DGKH: variants seen among roughly 807,000 people sequenced by gnomAD.
DGKH encodes DAG kinase eta.
In DGKH, 90 loss-of-function variants were observed where a neutral mutation model predicts 159.3. That is an observed-to-expected ratio of 0.57 (90% CI 0.48 to 0.67). The LOEUF (loss-of-function observed/expected upper bound fraction) is 0.67, where lower values mean the gene tolerates loss of function less well. DGKH is among the 30% of genes least tolerant of loss of function. The probability of loss-of-function intolerance (pLI) is 0.00; values close to 1 mark genes in which losing one functional copy is unlikely to be tolerated. For missense variants in DGKH, 1,181 were observed against 1,506.1 expected (o/e 0.78, Z 3.57); for synonymous variants, 536 against 553.8 (o/e 0.97, Z 0.45).
At chr13:42,227,742 A>G (rs906492719) in intron 29 of DGKH, among the ~76,000 whole-genome samples, 3 of 152,238 alleles carry the variant, frequency 2.0e-5, no homozygotes, top group Non-Finnish European at 2.9e-5. Flanking sequence ...AGCATTGGCT[A>G]TGGAAAGAGT....
intron 1 of DGKH, among the ~76,000 whole-genome samples, chr13:42,090,555 G>A (rs117432300): frequency 0.013 from 1,960 of 152,218 alleles, 30 homozygotes; most frequent in Middle Eastern, 0.082. Context: ...ACATATAGAC[G>A]AGTGGAATAG....
At chr13:42,244,903 CAAAAAAAAAAAAAAAAAAAA>C (rs57184890), downstream of DGKH, among the ~76,000 whole-genome samples, 1 of 42,962 alleles carries the variant, frequency 2.3e-5, no homozygotes. Flanking sequence ...GACTCCGTCT[CAAAAAAAAAAAAAAAAAAAA>C]AAAAAAAAAA....
chr13:42,084,268 A>G (rs1038128001), intron 1 of DGKH, among the ~76,000 whole-genome samples: 1 of 151,982 alleles, frequency 6.6e-6, no homozygotes, highest in Non-Finnish European at 1.5e-5. Flanking sequence ...TTTTTTTGCC[A>G]TGTTTATTCA....
intron 1 of DGKH, among the ~76,000 whole-genome samples, chr13:42,083,805 A>T (rs889773835): frequency 6.6e-6 from 1 of 152,244 alleles, no homozygotes; most frequent in Non-Finnish European, 1.5e-5. Context: ...AACAGGCTAA[A>T]TAAAAAGAGA....
intron 1 of DGKH, among the ~76,000 whole-genome samples, chr13:42,116,739 G>T (rs1421951921): frequency 6.6e-6 from 1 of 152,176 alleles, no homozygotes; most frequent in Non-Finnish European, 1.5e-5. Flanking sequence ...GAAAATTTAG[G>T]TGACATCCTG....
intron 3 of DGKH, among the ~76,000 whole-genome samples, chr13:42,151,578 T>TACACACACAC (rs60281789): frequency 6.4e-5 from 6 of 93,852 alleles, no homozygotes; most frequent in African/African-American, 2.1e-4. Context: ...CTTATATGTA[T>TACACACACAC]ACACACACAC....
At chr13:42,201,174 G>C (rs1273829097) in intron 20 of DGKH, among the ~76,000 whole-genome samples, 1 of 151,926 alleles carries the variant, frequency 6.6e-6, no homozygotes, top group Non-Finnish European at 1.5e-5. Flanking sequence ...TGTATTTTCA[G>C]TATACATGGG....
chr13:42,210,473 C>T lies in DGKH; in HGVS notation c.2851-129C>T, dbSNP rs1028943819. On this transcript the variant is annotated intron_variant, in intron 23 of 29. Coordinates refer to ENST00000337343, the MANE Select transcript of DGKH (RefSeq NM_178009.5). ...AGTACATTGGAAAACTTTGAAATGT[C>T]TTTTTTATACTTGTGATTTATTTGA... 6.6e-6 allele frequency: 6 copies of T among 907,166 alleles called. No individual in the cohort carries two copies. In the African/African-American group the frequency reaches 1.0e-4, roughly 15 times the overall value. The allele number at this position is 907,166 out of a possible 1,614,324, so 56.2% of individuals were successfully genotyped here. A position where few individuals can be genotyped will look rare whatever the true frequency, so the allele number is the denominator to read the frequency against.
intron 1 of DGKH, among the ~76,000 whole-genome samples, chr13:42,058,986 G>A (rs1326487751): frequency 6.6e-6 from 1 of 152,174 alleles, no homozygotes; most frequent in Admixed American, 6.5e-5. Context: ...GTTTGCTATA[G>A]CAGTTAGCAT....
intron 1 of DGKH, among the ~76,000 whole-genome samples, chr13:42,109,742 C>G (rs1954827182): frequency 6.6e-6 from 1 of 152,014 alleles, no homozygotes. Context: ...CTGACCATTT[C>G]TTGGTTCCAT....
chr13:42,135,807 C>T (rs1277653261), intron 3 of DGKH, among the ~76,000 whole-genome samples: 1 of 152,144 alleles, frequency 6.6e-6, no homozygotes, highest in Non-Finnish European at 1.5e-5. Context: ...GATGTTTAAT[C>T]TAAGGCTCTT....
At chr13:42,124,615 C>G (rs1195709906) in intron 1 of DGKH, among the ~76,000 whole-genome samples, 1 of 152,062 alleles carries the variant, frequency 6.6e-6, no homozygotes, top group African/African-American at 2.4e-5. Flanking sequence ...GGGATTTGCC[C>G]TGTGTTTACA....
At chr13:42,207,848 A>T (rs1957547305) in intron 21 of DGKH, among the ~76,000 whole-genome samples, 1 of 151,934 alleles carries the variant, frequency 6.6e-6, no homozygotes, top group African/African-American at 2.4e-5. Flanking sequence ...ACAGATAGGG[A>T]TACAGTATAA....
chr13:42,218,635 A>G (rs555741448), intron 26 of DGKH, among the ~76,000 whole-genome samples: 4 of 151,788 alleles, frequency 2.6e-5, no homozygotes, highest in South Asian at 2.1e-4. Flanking sequence ...CAGCCTCCCA[A>G]GGAGCTGGGA....
At chr13:42,045,516 A>G (rs897540445), upstream of DGKH, among the ~76,000 whole-genome samples, 2 of 152,236 alleles carry the variant, frequency 1.3e-5, no homozygotes, top group Admixed American at 6.5e-5. Context: ...GACCATATGT[A>G]TATGCAGTTA....
At chr13:42,092,435 C>T (rs951133334) in intron 1 of DGKH, among the ~76,000 whole-genome samples, 7 of 152,112 alleles carry the variant, frequency 4.6e-5, no homozygotes, top group Admixed American at 2.6e-4. Context: ...GAAATTCTGT[C>T]ATTTTCTGTG....
At chr13:42,131,215 T>C (rs1167308626) in intron 3 of DGKH, among the ~76,000 whole-genome samples, 1 of 152,192 alleles carries the variant, frequency 6.6e-6, no homozygotes, top group Non-Finnish European at 1.5e-5. Context: ...AGAACAGAGA[T>C]AGCTAGTAAA....
intron 1 of DGKH, among the ~76,000 whole-genome samples, chr13:42,087,553 T>TA (rs922030809): frequency 4.6e-5 from 7 of 151,678 alleles, no homozygotes; most frequent in Non-Finnish European, 8.8e-5. Flanking sequence ...TTCAAGGAGG[T>TA]AAAAAAAACA....
At chr13:42,121,955 C>T (rs547018266) in intron 1 of DGKH, among the ~76,000 whole-genome samples, 1 of 152,310 alleles carries the variant, frequency 6.6e-6, no homozygotes, top group South Asian at 2.1e-4. Flanking sequence ...TAAAGACCTT[C>T]TCATTACTAA....
Sources: gnomAD v4.1 joint callset for allele counts (sites outside exome capture counted in the v4.1 genomes callset) on GRCh38, gnomAD v4.1.1 for gene constraint, MANE v1.5 for transcripts, NCBI Gene and HGNC (gene_info 2026-07-23, HGNC 2026-07-21) for gene names.